TNRC6C: variants seen among roughly 807,000 people sequenced by gnomAD.
The protein encoded by TNRC6C is trinucleotide repeat-containing gene 6C protein.
In TNRC6C, 20 loss-of-function variants were observed where a neutral mutation model predicts 153.7. The observed-to-expected ratio is 0.13, with a 90% CI of 0.09 to 0.19. The LOEUF is 0.19. TNRC6C is among the 10% of genes least tolerant of loss of function. The pLI is 1.00. For missense variants in TNRC6C, 1,987 were observed against 2,172.0 expected (o/e 0.91, Z 1.69); for synonymous variants, 811 against 841.4 (o/e 0.96, Z 0.63).
chr17:77,983,900 C>G (rs571866237), intron 1 of TNRC6C, among the ~76,000 whole-genome samples: 2 of 152,080 alleles, frequency 1.3e-5, no homozygotes, highest in African/African-American at 4.8e-5. Flanking sequence ...AATGTCTGTT[C>G]GGACTGCAGC....
At chr17:78,044,024 G>A (rs572057507) in intron 2 of TNRC6C, among the ~76,000 whole-genome samples, 11 of 152,176 alleles carry the variant, frequency 7.2e-5, no homozygotes, top group South Asian at 4.1e-4. Context: ...AGCAAACATC[G>A]AAGCTCTCTC....
intron 1 of TNRC6C, among the ~76,000 whole-genome samples, chr17:78,025,366 T>C (rs9905518): frequency 0.043 from 6,555 of 152,298 alleles, 489 homozygotes; most frequent in African/African-American, 0.15. Flanking sequence ...CTTTCCTGAT[T>C]GGCTTCTTTC....
chr17:78,094,173 G>A (rs533062234), intron 16 of TNRC6C, among the ~76,000 whole-genome samples: 11 of 151,822 alleles, frequency 7.2e-5, no homozygotes, highest in Admixed American at 3.3e-4. Context: ...GTAGAGACAG[G>A]GTTTTGCCAT....
intron 1 of TNRC6C, among the ~76,000 whole-genome samples, chr17:77,989,339 A>G (rs1439420494): frequency 6.6e-6 from 1 of 152,178 alleles, no homozygotes; most frequent in South Asian, 2.1e-4. Context: ...TGGGTGAAAA[A>G]TTTACTTAAG....
Position 78,027,510 on chromosome 17 carries a change from A to G in TNRC6C, c.-545-4006A>G, listed in dbSNP as rs149014876. Among the ~76,000 whole-genome samples the G allele has an allele frequency of 7.2e-4, 109 of 152,292 alleles. No individual in the cohort carries two copies. In the Middle Eastern group the frequency reaches 0.01, roughly 14 times the overall value. Reference sequence around the variant, plus strand: ...AACTCTGGCTAGAAAAAAAACAGAGAAATACTTGTAAAGCAAGGAATTGAT... The same window carrying G: ...AACTCTGGCTAGAAAAAAAACAGAGGAATACTTGTAAAGCAAGGAATTGAT... On this transcript the variant is annotated intron_variant, in intron 1 of 19. Coordinates refer to ENST00000301624, the Ensembl canonical transcript of TNRC6C.
chr17:77,993,138 A>G (rs1012831402), intron 1 of TNRC6C, among the ~76,000 whole-genome samples: 20 of 151,776 alleles, frequency 1.3e-4, no homozygotes, highest in Non-Finnish European at 2.4e-4. Context: ...ATTTTTGTAT[A>G]TTTAGTAGAG....
At chr17:78,063,739 A>G in intron 3 of TNRC6C, among the ~76,000 whole-genome samples, 1 of 152,078 alleles carries the variant, frequency 6.6e-6, no homozygotes, top group South Asian at 2.1e-4. Flanking sequence ...CTTTACCTTT[A>G]TGTTTTTAAT....
intron 1 of TNRC6C, among the ~76,000 whole-genome samples, chr17:77,964,993 G>T (rs1024376866): frequency 1.5e-4 from 23 of 152,210 alleles, no homozygotes; most frequent in African/African-American, 5.5e-4. Context: ...TGAAGTGGGA[G>T]TGGACGAGGT....
At chr17:77,958,726 G>A (rs2070833147), upstream of TNRC6C, among the ~76,000 whole-genome samples, 1 of 151,412 alleles carries the variant, frequency 6.6e-6, no homozygotes. Flanking sequence ...AGATGGCCGC[G>A]GTGGCAGCTC....
At chr17:78,073,232 C>T in intron 7 of TNRC6C, 138 bp downstream of exon 9, 2 of 608,606 alleles carry the variant, frequency 3.3e-6, no homozygotes, top group East Asian at 3.2e-5. Context: ...GGGGCAACCA[C>T]ACAACAAGCT....
chr17:77,979,990 T>G (rs2071051611), intron 1 of TNRC6C, among the ~76,000 whole-genome samples: 1 of 151,832 alleles, frequency 6.6e-6, no homozygotes, highest in Admixed American at 6.6e-5. Context: ...AAAAATGAAG[T>G]GAGAATATAG....
intron 3 of TNRC6C, among the ~76,000 whole-genome samples, chr17:78,063,502 C>T (rs1425024651): frequency 6.6e-6 from 1 of 151,904 alleles, no homozygotes; most frequent in African/African-American, 2.4e-5. Flanking sequence ...ACCTGTGATT[C>T]TATATGCATC....
Position 78,096,515 on chromosome 17 carries a change from A to G in TNRC6C, c.4307-1828A>G, listed in dbSNP as rs144242390. Among the ~76,000 whole-genome samples the G allele has an allele frequency of 1.8e-3, 268 of 152,382 alleles. 1 individual carries two copies. The highest frequency in any genetic ancestry group is 6.1e-3 in the African/African-American group (252 of 41,586). ...TCATTCTAAAGAGGTCCCTTGCAGCAGGGCAGCTGCAAACAGCTGTGCAGG... is the reference window on the plus strand; with the variant it reads ...TCATTCTAAAGAGGTCCCTTGCAGCGGGGCAGCTGCAAACAGCTGTGCAGG... On this transcript the variant is annotated intron_variant, in intron 16 of 19. Coordinates refer to ENST00000301624, the Ensembl canonical transcript of TNRC6C.
intron 1 of TNRC6C, among the ~76,000 whole-genome samples, chr17:78,010,868 A>G (rs1230281753): frequency 1.3e-5 from 2 of 152,250 alleles, no homozygotes; most frequent in South Asian, 4.1e-4. Flanking sequence ...GTAAAAATGT[A>G]TTGCCAGAAC....
chr17:77,997,308 T>G (rs2071343315), intron 1 of TNRC6C, among the ~76,000 whole-genome samples: 1 of 152,198 alleles, frequency 6.6e-6, no homozygotes, highest in South Asian at 2.1e-4. Flanking sequence ...TGAGACCAGC[T>G]GATTTTGTCA....
At chr17:77,987,937 C>T (rs910702935) in intron 1 of TNRC6C, among the ~76,000 whole-genome samples, 1 of 152,036 alleles carries the variant, frequency 6.6e-6, no homozygotes, top group African/African-American at 2.4e-5. Flanking sequence ...GCCTTGGCCT[C>T]TCAAAGTGCT....
intron 13 of TNRC6C, among the ~76,000 whole-genome samples, chr17:78,088,959 CTTTTTTTTT>C (rs59304499): frequency 1.2e-5 from 1 of 86,698 alleles, no homozygotes; most frequent in Admixed American, 1.2e-4. Context: ...CTTATCGTTA[CTTTTTTTTT>C]TTTTTTTTTT....
At chr17:78,042,792 TGGTGTTGGTGATGAC>T (rs1455049623) in intron 2 of TNRC6C, among the ~76,000 whole-genome samples, 5 of 151,736 alleles carry the variant, frequency 3.3e-5, no homozygotes, top group Non-Finnish European at 5.9e-5. Flanking sequence ...GTGGTGGTGG[TGGTGTTGGTGATGAC>T]GGTGTTGGTG....
chr17:78,059,301 T>C (rs2072718620), intron 3 of TNRC6C, among the ~76,000 whole-genome samples: 1 of 152,236 alleles, frequency 6.6e-6, no homozygotes, highest in Non-Finnish European at 1.5e-5. Context: ...CTGAGTGATC[T>C]GTGCTTTTTG....
Sources: allele counts gnomAD v4.1 joint callset (sites outside exome capture counted in the v4.1 genomes callset), GRCh38; gene constraint gnomAD v4.1.1; transcripts MANE v1.5; gene names NCBI Gene and HGNC (gene_info 2026-07-23, HGNC 2026-07-21).